Variants in GHR observed in about 807,000 individuals in gnomAD.
The protein encoded by GHR is growth hormone receptor, also known as GH receptor.
A neutral mutation model predicts 67.1 loss-of-function variants in GHR; 35 were observed. That is an observed-to-expected ratio of 0.52 (90% CI 0.40 to 0.69). GHR has a LOEUF of 0.69. GHR is among the 30% of genes least tolerant of loss of function. The probability of loss-of-function intolerance (pLI) is 0.00; values close to 1 mark genes in which losing one functional copy is unlikely to be tolerated. For synonymous variants in GHR, 272 were observed against 269.1 expected, an observed-to-expected ratio of 1.01 and a Z score of -0.10; for missense variants, 792 against 764.6, an observed-to-expected ratio of 1.04 and a Z score of -0.42.
chr5:42,486,815 C>T (rs1745904569), intron 1 of GHR, among the ~76,000 whole-genome samples: 1 of 150,934 alleles, frequency 6.6e-6, no homozygotes, highest in Non-Finnish European at 1.5e-5. Flanking sequence ...CCACTGCACT[C>T]CAGCCTGGGC....
chr5:42,648,130 T>C (rs1754836926), intron 3 of GHR, among the ~76,000 whole-genome samples: 1 of 152,292 alleles, frequency 6.6e-6, no homozygotes, highest in East Asian at 1.9e-4. Flanking sequence ...TTAAAAGCCA[T>C]GTACCTCTTG....
At chr5:42,666,222 C>T (rs1004084517) in intron 3 of GHR, among the ~76,000 whole-genome samples, 3 of 145,808 alleles carry the variant, frequency 2.1e-5, no homozygotes, top group African/African-American at 7.8e-5. Context: ...ATAATGCAAG[C>T]TACATATGCC....
At chr5:42,658,477 C>T (rs1755378943) in intron 3 of GHR, among the ~76,000 whole-genome samples, 1 of 152,144 alleles carries the variant, frequency 6.6e-6, no homozygotes, top group Admixed American at 6.5e-5. Context: ...AAACTTAGCA[C>T]AAAGTAGGAG....
chr5:42,652,721 T>C (rs1755069580), intron 3 of GHR, among the ~76,000 whole-genome samples: 1 of 152,172 alleles, frequency 6.6e-6, no homozygotes, highest in Non-Finnish European at 1.5e-5. Flanking sequence ...TTAATAGTGC[T>C]GTAACAAGCC....
At chr5:42,500,740 G>T (rs186051409) in intron 1 of GHR, among the ~76,000 whole-genome samples, 2 of 152,236 alleles carry the variant, frequency 1.3e-5, no homozygotes, top group Non-Finnish European at 2.9e-5. Flanking sequence ...GCCTACTAAG[G>T]CCACAAGAAC....
At chr5:42,662,678 A>G (rs1484568217) in intron 3 of GHR, among the ~76,000 whole-genome samples, 1 of 152,192 alleles carries the variant, frequency 6.6e-6, no homozygotes, top group Non-Finnish European at 1.5e-5. Context: ...TGACACCCTA[A>G]CATCACAATT....
chr5:42,431,559 T>C (rs1472562901), intron 1 of GHR, among the ~76,000 whole-genome samples: 2 of 152,194 alleles, frequency 1.3e-5, no homozygotes, highest in Admixed American at 1.3e-4. Context: ...CTTCAAATAC[T>C]CCATTCCAAA....
At chr5:42,596,096 G>A (rs1752054032) in intron 2 of GHR, among the ~76,000 whole-genome samples, 1 of 152,206 alleles carries the variant, frequency 6.6e-6, no homozygotes. Context: ...ATGCAGGTGA[G>A]AGTACGAAGA....
intron 2 of GHR, among the ~76,000 whole-genome samples, chr5:42,585,978 C>T (rs1751454480): frequency 1.3e-5 from 2 of 152,094 alleles, no homozygotes; most frequent in African/African-American, 4.8e-5. Flanking sequence ...GCCTCAGTTT[C>T]TTCATATGTA....
chr5:42,514,602 C>T (rs750837738), intron 1 of GHR, among the ~76,000 whole-genome samples: 1 of 152,022 alleles, frequency 6.6e-6, no homozygotes, highest in South Asian at 2.1e-4. Context: ...TAAGAAAGAT[C>T]GGAGGCAAAG....
chr5:42,634,521 GCACACACACACA>G lies in GHR; in HGVS notation c.136+5430_136+5441del, dbSNP rs10684580. Among the ~76,000 whole-genome samples, 5 of 148,928 alleles carry G rather than the reference GCACACACACACA, an allele frequency of 3.4e-5. No homozygotes were observed. In the East Asian group the frequency reaches 9.9e-4, roughly 29 times the overall value. ...ATTTCACGGATGGTTATTGAATTTTGCACACACACACACACACACACACTGCAAAAAATAAAC... is the reference window on the plus strand; with the variant it reads ...ATTTCACGGATGGTTATTGAATTTTGCACACACACACTGCAAAAAATAAAC... On this transcript the variant is annotated intron_variant, in intron 3 of 9. Coordinates refer to ENST00000230882, the MANE Select transcript of GHR (RefSeq NM_000163.5).
At chr5:42,557,233 A>G (rs1749358527) in intron 1 of GHR, among the ~76,000 whole-genome samples, 1 of 152,032 alleles carries the variant, frequency 6.6e-6, no homozygotes, top group South Asian at 2.1e-4. Flanking sequence ...CCTAGGAGAT[A>G]TACACTTTAC....
At chr5:42,578,821 A>G (rs565234923) in intron 2 of GHR, among the ~76,000 whole-genome samples, 33 of 152,236 alleles carry the variant, frequency 2.2e-4, no homozygotes, top group Middle Eastern at 3.4e-3. Context: ...CCCCTTTTTC[A>G]TACCTGCTCC....
At chr5:42,617,396 A>ATG (rs1753213651) in intron 2 of GHR, among the ~76,000 whole-genome samples, 1 of 146,016 alleles carries the variant, frequency 6.8e-6, no homozygotes. Context: ...ACACACACAC[A>ATG]CACACACACA....
intron 3 of GHR, among the ~76,000 whole-genome samples, chr5:42,662,783 C>T (rs1017103885): frequency 1.3e-5 from 2 of 151,970 alleles, no homozygotes; most frequent in African/African-American, 4.8e-5. Context: ...AATAGAGACA[C>T]AAAAAACCCT....
intron 3 of GHR, among the ~76,000 whole-genome samples, chr5:42,661,715 G>T (rs1032731973): frequency 6.6e-6 from 1 of 152,136 alleles, no homozygotes; most frequent in African/African-American, 2.4e-5. Flanking sequence ...AAAATAACCA[G>T]CTAACATCAT....
chr5:42,491,171 T>G (rs1242407595), intron 1 of GHR, among the ~76,000 whole-genome samples: 1 of 152,240 alleles, frequency 6.6e-6, no homozygotes, highest in Admixed American at 6.5e-5. Flanking sequence ...GAGGATCGTT[T>G]GCTTTGTGTA....
chr5:42,582,639 C>G lies in GHR; in HGVS notation c.70+16695C>G, dbSNP rs4533898. Among the ~76,000 whole-genome samples, 1,842 of 152,330 alleles carry G rather than the reference C, an allele frequency of 0.012. 80 individuals are homozygous for G. The East Asian group carries it at 0.14, about 12-fold the overall frequency. On this transcript the variant is annotated intron_variant, in intron 2 of 9. Coordinates refer to ENST00000230882, the MANE Select transcript of GHR (RefSeq NM_000163.5). The stretch of plus-strand genomic sequence containing the variant: ...CACGAACAGGGCTGAGACATGCCTT[C>G]CCTGCCCACCACATTGTAGGTGACA...
chr5:42,568,328 T>C (rs1158714975), intron 2 of GHR, among the ~76,000 whole-genome samples: 1 of 152,202 alleles, frequency 6.6e-6, no homozygotes, highest in Non-Finnish European at 1.5e-5. Flanking sequence ...AGATGTTTTC[T>C]GTCTCTCATC....
Sources: gnomAD v4.1 joint callset for allele counts (sites outside exome capture counted in the v4.1 genomes callset) on GRCh38, gnomAD v4.1.1 for gene constraint, MANE v1.5 for transcripts, NCBI Gene and HGNC (gene_info 2026-07-23, HGNC 2026-07-21) for gene names.